The following FRMD4B variants were observed in gnomAD, a reference collection of about 807,000 sequenced individuals.
FRMD4B encodes the protein FERM domain containing 4B.
In FRMD4B, 74 loss-of-function variants were observed where a neutral mutation model predicts 141.5. That is an observed-to-expected ratio of 0.52 (90% CI 0.43 to 0.63). The LOEUF (loss-of-function observed/expected upper bound fraction) is 0.63. Ranked by LOEUF, FRMD4B falls within the 30% of genes least tolerant of loss-of-function variation. The probability of loss-of-function intolerance (pLI) is 0.00; values close to 1 mark genes in which losing one functional copy is unlikely to be tolerated. For missense variants in FRMD4B, 1,366 were observed against 1,253.4 expected (o/e 1.09, Z -1.36); for synonymous variants, 506 against 467.9 (o/e 1.08, Z -1.05).
intron 1 of FRMD4B, among the ~76,000 whole-genome samples, chr3:69,480,731 T>G (rs1420693489): frequency 2.0e-5 from 3 of 152,238 alleles, no homozygotes; most frequent in Admixed American, 2.0e-4. Flanking sequence ...ACCACTGCTC[T>G]CTTCAAAGCT....
intron 1 of FRMD4B, among the ~76,000 whole-genome samples, chr3:69,384,693 A>G (rs1377018814): frequency 2.5e-4 from 38 of 152,242 alleles, no homozygotes; most frequent in Non-Finnish European, 5.9e-5. Context: ...TGAAAGCACA[A>G]GTTCAAATGT....
At chr3:69,292,961 T>C (rs1046627187) in intron 4 of FRMD4B, 3 of 443,304 alleles carry the variant, frequency 6.8e-6, no homozygotes, top group African/African-American at 6.1e-5. Context: ...GGCACACATT[T>C]TGGAGACAAA....
intron 11 of FRMD4B, among the ~76,000 whole-genome samples, chr3:69,210,996 C>T (rs1302919349): frequency 2.8e-5 from 3 of 108,498 alleles, no homozygotes; most frequent in Non-Finnish European, 5.2e-5. Context: ...CCACCCGGGG[C>T]AACAAGAGTG....
intron 1 of FRMD4B, among the ~76,000 whole-genome samples, chr3:69,318,862 T>C (rs1461941766): frequency 1.3e-5 from 2 of 152,206 alleles, no homozygotes; most frequent in Non-Finnish European, 2.9e-5. Flanking sequence ...TGGCAATATT[T>C]GGCAAGGGCA....
At chr3:69,424,548 C>T (rs1003811763) in intron 2 of FRMD4B, among the ~76,000 whole-genome samples, 2 of 151,988 alleles carry the variant, frequency 1.3e-5, no homozygotes, top group East Asian at 3.8e-4. Context: ...AATCCACAGA[C>T]AAAGAGGGAT....
intron 1 of FRMD4B, among the ~76,000 whole-genome samples, chr3:69,483,406 T>A (rs1040195808): frequency 6.6e-6 from 1 of 152,256 alleles, no homozygotes; most frequent in African/African-American, 2.4e-5. Context: ...ATAAAGATTA[T>A]AATGATTTAG....
At chr3:69,538,015 C>T (rs1241859099) in intron 1 of FRMD4B, among the ~76,000 whole-genome samples, 1 of 152,216 alleles carries the variant, frequency 6.6e-6, no homozygotes, top group Admixed American at 6.5e-5. Context: ...TTCCTCCAGC[C>T]GTGCCAACTG....
chr3:69,416,167 A>G (rs573732579), intron 2 of FRMD4B, among the ~76,000 whole-genome samples: 1 of 152,346 alleles, frequency 6.6e-6, no homozygotes, highest in African/African-American at 2.4e-5. Flanking sequence ...GCATTTCTAA[A>G]TAAGCATCCC....
intron 5 of FRMD4B, among the ~76,000 whole-genome samples, chr3:69,282,862 C>G (rs1364119694): frequency 6.6e-6 from 1 of 151,986 alleles, no homozygotes; most frequent in Admixed American, 6.5e-5. Context: ...GTCACGAACT[C>G]CTGACCTCAA....
chr3:69,273,082 G>A (rs1411023524), intron 5 of FRMD4B, among the ~76,000 whole-genome samples: 1 of 152,024 alleles, frequency 6.6e-6, no homozygotes, highest in Non-Finnish European at 1.5e-5. Flanking sequence ...TTAGCTCTAG[G>A]AAAAAGAAAG....
chr3:69,502,786 C>T (rs1706521641), intron 1 of FRMD4B, among the ~76,000 whole-genome samples: 1 of 151,886 alleles, frequency 6.6e-6, no homozygotes, highest in South Asian at 2.1e-4. Flanking sequence ...ACCTACTCAT[C>T]TGACAAAGGG....
intron 22 of FRMD4B, among the ~76,000 whole-genome samples, chr3:69,173,563 A>G (rs1187373815): frequency 6.6e-6 from 1 of 152,192 alleles, no homozygotes; most frequent in African/African-American, 2.4e-5. Context: ...AGAATTTTAG[A>G]GCAAATTTAT....
intron 4 of FRMD4B, among the ~76,000 whole-genome samples, chr3:69,298,560 A>T (rs1291146083): frequency 6.6e-6 from 1 of 151,670 alleles, no homozygotes; most frequent in African/African-American, 2.4e-5. Context: ...ACTCCTACTC[A>T]CCTCCCTTTT....
At chr3:69,337,136 C>T (rs1358236026) in intron 1 of FRMD4B, among the ~76,000 whole-genome samples, 1 of 151,928 alleles carries the variant, frequency 6.6e-6, no homozygotes, top group African/African-American at 2.4e-5. Context: ...GAACAGAGCT[C>T]TCAGAAATAA....
At chr3:69,223,872 A>G (rs1311646538) in intron 8 of FRMD4B, among the ~76,000 whole-genome samples, 1 of 152,214 alleles carries the variant, frequency 6.6e-6, no homozygotes, top group Non-Finnish European at 1.5e-5. Flanking sequence ...CTTGAAAATG[A>G]CATGGCTAGA....
At chr3:69,494,835 T>C (rs1000695255) in intron 1 of FRMD4B, among the ~76,000 whole-genome samples, 2 of 151,286 alleles carry the variant, frequency 1.3e-5, no homozygotes, top group African/African-American at 4.9e-5. Flanking sequence ...GAGGTTGCAG[T>C]GATCCAAGAT....
intron 1 of FRMD4B, among the ~76,000 whole-genome samples, chr3:69,495,229 G>T (rs1423516816): frequency 6.6e-6 from 1 of 152,174 alleles, no homozygotes; most frequent in Non-Finnish European, 1.5e-5. Context: ...GTAGAGACAA[G>T]AACTCCCAAT....
At chr3:69,492,551 T>C (rs751532247) in intron 1 of FRMD4B, among the ~76,000 whole-genome samples, 8 of 152,206 alleles carry the variant, frequency 5.3e-5, no homozygotes, top group Admixed American at 6.6e-5. Context: ...GATACAAATA[T>C]ACATTCTTGG....
chr3:69,312,845 T>C (rs1049914292), intron 2 of FRMD4B, among the ~76,000 whole-genome samples: 2 of 151,886 alleles, frequency 1.3e-5, no homozygotes, highest in Non-Finnish European at 2.9e-5. Context: ...GCTGAGATTA[T>C]GCTACTGCAT....
Sources: allele counts gnomAD v4.1 joint callset (sites outside exome capture counted in the v4.1 genomes callset), GRCh38; gene constraint gnomAD v4.1.1; transcripts MANE v1.5; gene names NCBI Gene and HGNC (gene_info 2026-07-23, HGNC 2026-07-21).